Variants in PPP3CB observed in about 807,000 individuals in gnomAD.
The protein encoded by PPP3CB is serine/threonine-protein phosphatase 2B catalytic subunit beta isoform.
PPP3CB carries 8 observed loss-of-function variants against 66.4 expected under a neutral mutation model. That is an observed-to-expected ratio of 0.12 (90% confidence interval 0.07 to 0.22). PPP3CB has a LOEUF of 0.22. PPP3CB is among the 10% of genes least tolerant of loss of function. The pLI is 1.00. For synonymous variants in PPP3CB, 208 were observed against 221.2 expected (o/e 0.94, Z 0.53); for missense variants, 319 against 642.5 (o/e 0.50, Z 5.44).
intron 1 of PPP3CB, among the ~76,000 whole-genome samples, chr10:73,480,890 A>G (rs1228434809): frequency 6.6e-6 from 1 of 152,244 alleles, no homozygotes; most frequent in Non-Finnish European, 1.5e-5. Context: ...AATGGAAAAC[A>G]TGAACATCTA....
intron 1 of PPP3CB, among the ~76,000 whole-genome samples, chr10:73,488,804 C>G (rs1242991683): frequency 6.6e-6 from 1 of 152,144 alleles, no homozygotes; most frequent in African/African-American, 2.4e-5. Flanking sequence ...ATCACTCACA[C>G]TTAATGTCAT....
chr10:73,459,331 T>A (rs1178736665), intron 9 of PPP3CB, among the ~76,000 whole-genome samples: 2 of 151,044 alleles, frequency 1.3e-5, no homozygotes, highest in African/African-American at 4.9e-5. Flanking sequence ...ACTAAAAATA[T>A]AAAAATTAGC....
At chr10:73,491,034 T>TG (rs2057067211) in intron 1 of PPP3CB, among the ~76,000 whole-genome samples, 1 of 119,802 alleles carries the variant, frequency 8.3e-6, no homozygotes, top group Non-Finnish European at 1.7e-5. Context: ...TTTTTTTTTT[T>TG]TTTTTTTTTT....
intron 1 of PPP3CB, among the ~76,000 whole-genome samples, chr10:73,495,355 G>A (rs1240405744): frequency 1.3e-5 from 2 of 152,360 alleles, no homozygotes; most frequent in South Asian, 2.1e-4. Context: ...ACTGTCACCG[G>A]GGAGCAGGCG....
At chr10:73,482,957 C>T (rs1473002128) in intron 1 of PPP3CB, among the ~76,000 whole-genome samples, 1 of 152,060 alleles carries the variant, frequency 6.6e-6, no homozygotes, top group South Asian at 2.1e-4. Context: ...AACATAATTC[C>T]ACTAATTGCT....
intron 4 of PPP3CB, among the ~76,000 whole-genome samples, chr10:73,473,712 C>A (rs1017524542): frequency 6.6e-6 from 1 of 151,866 alleles, no homozygotes. Flanking sequence ...TGAAAAAGGC[C>A]TAATCTTGTT....
At chr10:73,493,220 G>A (rs550987321) in intron 1 of PPP3CB, among the ~76,000 whole-genome samples, 4 of 150,032 alleles carry the variant, frequency 2.7e-5, no homozygotes, top group Non-Finnish European at 5.9e-5. Flanking sequence ...AGGTTGCAGT[G>A]AGTAGAGATC....
intron 1 of PPP3CB, among the ~76,000 whole-genome samples, chr10:73,490,452 T>C (rs543808009): frequency 1.2e-3 from 180 of 152,356 alleles, no homozygotes; most frequent in African/African-American, 4.3e-3. Context: ...TTCACGACTG[T>C]GATGTTCCAA....
intron 9 of PPP3CB, among the ~76,000 whole-genome samples, chr10:73,465,972 A>G (rs796454817): frequency 6.6e-6 from 1 of 152,248 alleles, no homozygotes; most frequent in Admixed American, 6.5e-5. Flanking sequence ...AAAATGGTCA[A>G]AAAGTTTGAA....
intron 1 of PPP3CB, among the ~76,000 whole-genome samples, chr10:73,480,810 G>A (rs375339227): frequency 2.0e-5 from 3 of 152,010 alleles, no homozygotes; most frequent in Non-Finnish European, 2.9e-5. Flanking sequence ...TTTTCACTCC[G>A]CAGTACATAT....
At chr10:73,472,494 C>CAAA (rs748895209) in intron 4 of PPP3CB, among the ~76,000 whole-genome samples, 9 of 77,334 alleles carry the variant, frequency 1.2e-4, no homozygotes, top group African/African-American at 3.4e-4. Flanking sequence ...GACTCTGTCT[C>CAAA]AAAAAAAAAA....
intron 8 of PPP3CB, among the ~76,000 whole-genome samples, chr10:73,468,013 G>A (rs2056645761): frequency 6.6e-6 from 1 of 152,002 alleles, no homozygotes; most frequent in South Asian, 2.1e-4. Context: ...AGTTTTTAGA[G>A]GAAACACAGA....
chr10:73,495,835 G>A lies in PPP3CB; in HGVS notation c.55C>T (p.Pro19Ser). ...ACGACGCGGTCAGCCCCGGGAGGGG[G>A]CGGCGGGGGCGGGGGTGGGGGCGGT... The part of the protein sequence containing the change: ...AAPPPPPPPP[P>S]PPGADRVVKA... Residue 19 changes from proline to serine, a missense_variant, in exon 1 of 14, where the codon CCC becomes TCC. Physicochemically the swap from Pro to Ser is moderately conservative, Grantham distance 74. Around this residue, in one of 5 missense-constraint regions of PPP3CB, gnomAD observed 104 missense variants for 128.4 expected, o/e 0.81. Coordinates refer to ENST00000360663, the MANE Select transcript of PPP3CB (RefSeq NM_021132.4). 1 of 1,499,756 alleles carries A rather than the reference G, an allele frequency of 6.7e-7. No individual in the cohort carries two copies. The allele number at this position is 1,499,756 out of a possible 1,614,324, so 92.9% of individuals were successfully genotyped here. A position where few individuals can be genotyped will look rare whatever the true frequency, so the allele number is the denominator to read the frequency against.
At chr10:73,459,018 C>T (rs1194869757) in intron 9 of PPP3CB, among the ~76,000 whole-genome samples, 3 of 151,634 alleles carry the variant, frequency 2.0e-5, no homozygotes, top group Admixed American at 1.3e-4. Flanking sequence ...TGCGGTGAGC[C>T]GAGATCGCAC....
chr10:73,478,564 A>G lies in PPP3CB; in HGVS notation c.346T>C (p.Ser116Pro). The G allele has an allele frequency of 1.9e-6, 3 of 1,608,854 alleles. No individual in the cohort carries two copies. Among genetic ancestry groups the G allele is most frequent in the Non-Finnish European group, 1.7e-6 (2 of 1,175,332 alleles). Residue 116 changes from serine (S) to proline (P), a missense_variant, in exon 3 of 14, where the codon TCA becomes CCA. Physicochemically the swap from Ser to Pro is moderately conservative, Grantham distance 74. Around this residue, in one of 5 missense-constraint regions of PPP3CB, gnomAD observed 51 missense variants for 139.6 expected, o/e 0.37. Transcript: ENST00000360663. ...AAAAGGTATCGTGTATTAGCAGGTG[A>G]TCCTCCTACTTCAAAAAGTTTCATC... ...DLMKLFEVGG[S>P]PANTRYLFLG...
At position 73,447,905 on chromosome 10, in the gene PPP3CB, C is replaced by A. The variant is rs369081966; in HGVS notation, c.1187-1332G>T. On this transcript the variant is annotated intron_variant, in intron 10 of 13. Coordinates refer to ENST00000360663, the MANE Select transcript of PPP3CB (RefSeq NM_021132.4). ...ATTTTTAAAATACCAAAAAAAAAAA[C>A]CACAAAAAAACCCCCAAAAACTAAA... Among the ~76,000 whole-genome samples, 94 of 148,530 alleles carry A rather than the reference C, an allele frequency of 6.3e-4. 1 individual carries two copies. The South Asian group carries it at 0.015, about 24-fold the overall frequency.
Position 73,488,829 on chromosome 10 carries a change from A to G in PPP3CB, c.85+6976T>C, listed in dbSNP as rs544920849. ...CTTAATGTCATTGTTCTCTTTCTGA[A>G]CTCTAAGTCCTATTGATTCTTCAAA... On this transcript the variant is annotated intron_variant, in intron 1 of 13. Coordinates refer to ENST00000360663, the MANE Select transcript of PPP3CB (RefSeq NM_021132.4). Among the ~76,000 whole-genome samples, 28 of 152,068 alleles carry G rather than the reference A, an allele frequency of 1.8e-4. No homozygotes were observed. The South Asian group carries it at 5.8e-3, about 32-fold the overall frequency.
chr10:73,457,404 C>G (rs557132654), intron 9 of PPP3CB, among the ~76,000 whole-genome samples: 1 of 149,396 alleles, frequency 6.7e-6, no homozygotes, highest in East Asian at 2.1e-4. Flanking sequence ...CTCCAACATT[C>G]TAGCCTAGAT....
At position 73,437,899 on chromosome 10, in the gene PPP3CB, AAAC is replaced by A. The variant is rs2132738437; in HGVS notation, c.*340_*342del. ...GATTGCATTTGAAATCATGATTGAA[AAAC>A]AAAATCTAATTCTACTGAAGGGGAA... is the stretch of plus-strand genomic sequence containing the variant. On this transcript the variant is annotated 3_prime_UTR_variant, in exon 14 of 14. Transcript: ENST00000360663. 5.2e-6 allele frequency: 1 copy of A among 193,768 alleles called. No individual in the cohort carries two copies. The highest frequency in any genetic ancestry group is 1.3e-4 in the East Asian group (1 of 7,708). 12.0% of individuals were successfully genotyped at this position (193,768 alleles called of 1,614,324 possible). A position where few individuals can be genotyped will look rare whatever the true frequency, so the allele number is the denominator to read the frequency against.
Sources: gnomAD v4.1 joint callset for allele counts (sites outside exome capture counted in the v4.1 genomes callset) on GRCh38, gnomAD v4.1.1 for gene constraint, gnomAD v4.1.1 regional missense constraint, MANE v1.5 for transcripts, NCBI Gene and HGNC (gene_info 2026-07-23, HGNC 2026-07-21) for gene names.